Variants in TMEM132B observed in about 807,000 individuals in gnomAD.
TMEM132B encodes transmembrane protein 132B.
TMEM132B carries 18 observed loss-of-function variants against 90.8 expected under a neutral mutation model. That is an observed-to-expected ratio of 0.20 (90% CI 0.14 to 0.29). The LOEUF (loss-of-function observed/expected upper bound fraction) is 0.29, where lower values mean the gene tolerates loss of function less well. Ranked by LOEUF, TMEM132B falls within the 10% of genes least tolerant of loss-of-function variation. TMEM132B has a pLI of 1.00. For missense variants in TMEM132B, 1,096 were observed against 1,326.8 expected (o/e 0.83, Z 2.70); for synonymous variants, 504 against 523.3 (o/e 0.96, Z 0.50).
intron 1 of TMEM132B, among the ~76,000 whole-genome samples, chr12:125,270,222 G>A (rs886914531): frequency 5.3e-5 from 8 of 150,830 alleles, no homozygotes; most frequent in African/African-American, 1.7e-4. Context: ...CTGCAGCCTC[G>A]AACTCCTACG....
chr12:125,575,069 TA>T (rs1884907939), intron 4 of TMEM132B, among the ~76,000 whole-genome samples: 1 of 105,460 alleles, frequency 9.5e-6, no homozygotes, highest in African/African-American at 3.1e-5. Context: ...TATATATATA[TA>T]TATATATATA....
At chr12:125,563,566 A>AAAAC (rs55666916) in intron 4 of TMEM132B, among the ~76,000 whole-genome samples, 6,120 of 145,628 alleles carry the variant, frequency 0.042, 232 homozygotes, top group African/African-American at 0.098. Context: ...CTCTGTCTCA[A>AAAAC]AAACAAACAA....
chr12:125,598,107 A>T (rs1039172009), intron 5 of TMEM132B, among the ~76,000 whole-genome samples: 2 of 152,184 alleles, frequency 1.3e-5, no homozygotes, highest in Non-Finnish European at 2.9e-5. Context: ...GCTGTGTTTG[A>T]TCAGAACCCT....
At chr12:125,292,987 G>A (rs1293565008) in intron 1 of TMEM132B, among the ~76,000 whole-genome samples, 1 of 152,220 alleles carries the variant, frequency 6.6e-6, no homozygotes, top group Non-Finnish European at 1.5e-5. Flanking sequence ...TGCTGGATGT[G>A]CAAGAACAAT....
intron 4 of TMEM132B, among the ~76,000 whole-genome samples, chr12:125,540,183 TA>T (rs1267679900): frequency 6.6e-6 from 1 of 152,246 alleles, no homozygotes; most frequent in Non-Finnish European, 1.5e-5. Context: ...TAACATACTT[TA>T]TATGACTTAA....
intron 4 of TMEM132B, among the ~76,000 whole-genome samples, chr12:125,547,091 C>T (rs1884110525): frequency 6.6e-6 from 1 of 152,210 alleles, no homozygotes; most frequent in Non-Finnish European, 1.5e-5. Flanking sequence ...ATGACCTCTA[C>T]CTGGTCCCTC....
At chr12:125,296,296 C>G (rs777980062) in intron 1 of TMEM132B, among the ~76,000 whole-genome samples, 2 of 152,258 alleles carry the variant, frequency 1.3e-5, no homozygotes, top group African/African-American at 2.4e-5. Flanking sequence ...GCACCTCCCA[C>G]CTCCGGGCTT....
intron 2 of TMEM132B, among the ~76,000 whole-genome samples, chr12:125,369,770 C>T (rs1467774755): frequency 6.6e-6 from 1 of 152,298 alleles, no homozygotes; most frequent in South Asian, 2.1e-4. Context: ...ATTTAATGGG[C>T]CGGGCGTGGT....
rs1449655613 is a variant in TMEM132B at position 125,640,955 on chromosome 12, CA to C, written c.1438-3120del. Among the ~76,000 whole-genome samples, 3 of 150,914 alleles carry C rather than the reference CA, an allele frequency of 2.0e-5. No individual in the cohort carries two copies. The East Asian group carries it at 5.8e-4, about 29-fold the overall frequency. ...ACACACACACACACACACACACACACATTTCTAATAGTCTGTAATCTTCTAT... is the reference window on the plus strand; with the variant it reads ...ACACACACACACACACACACACACACTTTCTAATAGTCTGTAATCTTCTAT... On this transcript the variant is annotated intron_variant, in intron 5 of 8. Transcript: ENST00000682704.
At chr12:125,558,689 C>T (rs1217487719) in intron 4 of TMEM132B, among the ~76,000 whole-genome samples, 2 of 152,140 alleles carry the variant, frequency 1.3e-5, no homozygotes, top group African/African-American at 4.8e-5. Context: ...AGAACATCAG[C>T]GTTAGAAACA....
chr12:125,523,662 A>C (rs1226731317), intron 4 of TMEM132B, among the ~76,000 whole-genome samples: 7 of 152,204 alleles, frequency 4.6e-5, no homozygotes, highest in Non-Finnish European at 7.3e-5. Context: ...AGCTTCCTCA[A>C]ACTGGGTGCT....
chr12:125,237,987 T>C (rs1234856265), intron 1 of TMEM132B, among the ~76,000 whole-genome samples: 2 of 152,180 alleles, frequency 1.3e-5, no homozygotes, highest in African/African-American at 4.8e-5. Context: ...ACCAAGTCTT[T>C]AGTGTATGTC....
chr12:125,519,806 C>A (rs1159660739), intron 4 of TMEM132B, among the ~76,000 whole-genome samples, 181 bp downstream of exon 4: 2 of 152,184 alleles, frequency 1.3e-5, no homozygotes, highest in Non-Finnish European at 2.9e-5. Flanking sequence ...TTAAGGTCTA[C>A]CATGTAAATC....
intron 7 of TMEM132B, 147 bp from the exon 8 acceptor site, chr12:125,652,294 C>A: frequency 3.1e-6 from 2 of 640,988 alleles, no homozygotes; most frequent in Admixed American, 3.7e-5. Flanking sequence ...TGTGATTGAA[C>A]AACGGCATAA....
intron 4 of TMEM132B, among the ~76,000 whole-genome samples, chr12:125,554,356 T>C (rs529760931): frequency 1.5e-5 from 2 of 132,996 alleles, no homozygotes; most frequent in East Asian, 2.2e-4. Flanking sequence ...ATCTGGGAGG[T>C]GGAGCTTACA....
intron 1 of TMEM132B, among the ~76,000 whole-genome samples, chr12:125,211,684 A>T (rs1272988234): frequency 6.6e-6 from 1 of 152,236 alleles, no homozygotes; most frequent in Non-Finnish European, 1.5e-5. Flanking sequence ...CACCCGCTGC[A>T]CACGGTTCAC....
chr12:125,260,922 T>TTGTGTGTG (rs60739492), intron 1 of TMEM132B, among the ~76,000 whole-genome samples: 134 of 148,244 alleles, frequency 9.0e-4, no homozygotes, highest in East Asian at 4.0e-3. Flanking sequence ...TCTCTACAGA[T>TTGTGTGTG]TGTGTGTGTG....
intron 3 of TMEM132B, among the ~76,000 whole-genome samples, chr12:125,424,462 C>T (rs1361425526): frequency 6.6e-6 from 1 of 152,204 alleles, no homozygotes; most frequent in African/African-American, 2.4e-5. Flanking sequence ...TTTCTGGTTA[C>T]ATTTAATAAC....
At chr12:125,204,959 T>C (rs1286178046) in intron 1 of TMEM132B, among the ~76,000 whole-genome samples, 1 of 127,132 alleles carries the variant, frequency 7.9e-6, no homozygotes, top group East Asian at 2.5e-4. Context: ...ATCCTTTCAA[T>C]GAGGGCTCCG....
Sources: gnomAD v4.1 joint callset for allele counts (sites outside exome capture counted in the v4.1 genomes callset) on GRCh38, gnomAD v4.1.1 for gene constraint, MANE v1.5 for transcripts, NCBI Gene and HGNC (gene_info 2026-07-23, HGNC 2026-07-21) for gene names.